The following PAK1 variants were observed in gnomAD, a reference collection of about 807,000 sequenced individuals.
The protein encoded by PAK1 is serine/threonine-protein kinase PAK 1.
Under a neutral mutation model 67.4 loss-of-function variants are expected in PAK1, and 29 were observed. That is an observed-to-expected ratio of 0.43 (90% CI 0.32 to 0.59). The LOEUF (loss-of-function observed/expected upper bound fraction) is 0.59. PAK1 is among the 20% of genes least tolerant of loss of function. The probability of loss-of-function intolerance (pLI) is 0.07; values close to 1 mark genes in which losing one functional copy is unlikely to be tolerated. For synonymous variants in PAK1, 223 were observed against 237.4 expected (o/e 0.94, Z 0.56); for missense variants, 337 against 670.7 (o/e 0.50, Z 5.50).
the PAK1 span, among the ~76,000 whole-genome samples, chr11:77,510,247 T>C: frequency 6.6e-6 from 1 of 152,226 alleles, no homozygotes; most frequent in East Asian, 1.9e-4. Flanking sequence ...CATACCCCCA[T>C]TGCTAAAGCC....
At chr11:77,413,771 C>T (rs1424028499) in intron 1 of PAK1, among the ~76,000 whole-genome samples, 4 of 152,042 alleles carry the variant, frequency 2.6e-5, no homozygotes, top group Non-Finnish European at 2.9e-5. Flanking sequence ...AATAGACACC[C>T]GGAGAATTGC....
At chr11:77,514,701 C>T in the PAK1 span, among the ~76,000 whole-genome samples, 1 of 152,188 alleles carries the variant, frequency 6.6e-6, no homozygotes, top group Non-Finnish European at 1.5e-5. Context: ...TAGTCTGAGG[C>T]TTCCTGGGCA....
intron 5 of PAK1, among the ~76,000 whole-genome samples, chr11:77,369,101 A>C (rs1397505505): frequency 6.6e-6 from 1 of 152,098 alleles, no homozygotes; most frequent in Non-Finnish European, 1.5e-5. Flanking sequence ...TTTTTCCACT[A>C]TTTCTAATGA....
At chr11:77,398,688 G>A (rs972251981) in intron 1 of PAK1, among the ~76,000 whole-genome samples, 2 of 152,148 alleles carry the variant, frequency 1.3e-5, no homozygotes, top group African/African-American at 4.8e-5. Flanking sequence ...TTTCTTGTGG[G>A]TAGATACCCA....
the PAK1 span, among the ~76,000 whole-genome samples, chr11:77,484,318 G>T: frequency 6.6e-6 from 1 of 152,002 alleles, no homozygotes; most frequent in Non-Finnish European, 1.5e-5. Context: ...TCAACAATCA[G>T]CTGCTCCATG....
chr11:77,413,433 A>G lies in PAK1; in HGVS notation c.-21-20892T>C, dbSNP rs183122061. ...GAAAACAGAATACGATGGTGAAAGA[A>G]GTCAGTGACTTCTCCAAGACCACAC... is the stretch of plus-strand genomic sequence containing the variant. On this transcript the variant is annotated intron_variant, in intron 1 of 14. Transcript: ENST00000356341. 2.4e-3 allele frequency among the ~76,000 whole-genome samples: 364 copies of G among 152,310 alleles called. 3 individuals are homozygous for G. The highest frequency in any genetic ancestry group is 4.5e-3 in the Non-Finnish European group (305 of 68,012).
the PAK1 span, among the ~76,000 whole-genome samples, chr11:77,525,981 AGAG>A: frequency 6.6e-6 from 1 of 152,100 alleles, no homozygotes; most frequent in African/African-American, 2.4e-5. Context: ...ACCTCTTTGG[AGAG>A]GAGGTTTTAT....
the PAK1 span, among the ~76,000 whole-genome samples, chr11:77,493,484 G>A: frequency 3.1e-5 from 4 of 128,482 alleles, no homozygotes; most frequent in South Asian, 5.2e-4. Flanking sequence ...TAGTAGAGAC[G>A]GTTTCGCCAT....
At chr11:77,398,205 T>C (rs574254995) in intron 1 of PAK1, among the ~76,000 whole-genome samples, 1 of 152,344 alleles carries the variant, frequency 6.6e-6, no homozygotes, top group African/African-American at 2.4e-5. Context: ...ATAATAGGTC[T>C]TATTTATTCT....
intron 1 of PAK1, among the ~76,000 whole-genome samples, chr11:77,402,260 C>A (rs1952802189): frequency 6.6e-6 from 1 of 152,114 alleles, no homozygotes; most frequent in African/African-American, 2.4e-5. Flanking sequence ...TGAGAGGCAG[C>A]AAAGTGAAGT....
intron 2 of PAK1, among the ~76,000 whole-genome samples, chr11:77,391,679 G>A (rs1358270093): frequency 6.6e-6 from 1 of 152,150 alleles, no homozygotes; most frequent in Admixed American, 6.5e-5. Flanking sequence ...GAGGATCTTG[G>A]TGACTTTTTC....
chr11:77,329,358 G>C (rs540348813), intron 14 of PAK1: 10 of 152,354 alleles, frequency 6.6e-5, no homozygotes, highest in African/African-American at 2.4e-4. Flanking sequence ...CAATATCCTT[G>C]ATGAACATCG....
rs577678647 is a variant in PAK1, at chr11:77,409,420, T to C, written c.-21-16879A>G. ...GTTCCTCAGAAACTAAACATAGAAC[T>C]ATCATGATTCAGCAATTCCATTACT... On this transcript the variant is annotated intron_variant, in intron 1 of 14. Transcript: ENST00000356341. 1.1e-4 allele frequency among the ~76,000 whole-genome samples: 16 copies of C among 152,288 alleles called. No homozygotes were observed. In the East Asian group the frequency reaches 2.3e-3, roughly 22 times the overall value.
At chr11:77,425,768 G>A (rs1423054043) in intron 1 of PAK1, among the ~76,000 whole-genome samples, 1 of 152,194 alleles carries the variant, frequency 6.6e-6, no homozygotes, top group African/African-American at 2.4e-5. Flanking sequence ...AAATAAGGTA[G>A]AAACTGAGTT....
At chr11:77,445,055 T>A (rs1420193871) in intron 1 of PAK1, among the ~76,000 whole-genome samples, 2 of 152,110 alleles carry the variant, frequency 1.3e-5, no homozygotes, top group East Asian at 3.8e-4. Context: ...ACAGACGTAA[T>A]CAAGTTAAAA....
At chr11:77,344,116 T>A in intron 9 of PAK1, 185 bp from the exon 10 acceptor site, 1 of 539,650 alleles carries the variant, frequency 1.9e-6, no homozygotes, top group African/African-American at 1.9e-5. Flanking sequence ...GCCAGCATCA[T>A]CATCATCTGG....
intron 1 of PAK1, among the ~76,000 whole-genome samples, chr11:77,466,834 T>C (rs1479406638): frequency 6.6e-6 from 1 of 152,216 alleles, no homozygotes; most frequent in Admixed American, 6.5e-5. Context: ...GCTTCAGATC[T>C]TAGCTGTGCT....
Position 77,392,401 on chromosome 11 carries a change from A to C in PAK1, c.120T>G (p.Pro40=), listed in dbSNP as rs369483803. 1.2e-4 allele frequency: 195 copies of C among 1,612,874 alleles called. No individual in the cohort carries two copies. Among genetic ancestry groups the C allele is most frequent in the Admixed American group, 2.0e-4 (12 of 59,912 alleles). Residue 40 remains proline (P), a synonymous_variant, in exon 2 of 15, where the codon CCT becomes CCG. Transcript: ENST00000356341. ...TCTTCTCCTCTGGGTTTGGAGGCAG[A>C]GGTTTAGAACCATGGTTTAGGGTTC... ...DAGTLNHGSK[P]LPPNPEEKKK... is the part of the protein sequence containing the mutation.
At chr11:77,419,767 TA>T (rs1283679508) in intron 1 of PAK1, among the ~76,000 whole-genome samples, 1 of 152,226 alleles carries the variant, frequency 6.6e-6, no homozygotes, top group East Asian at 1.9e-4. Context: ...ATGTTGGATT[TA>T]AAACAACATC....
Sources: allele counts gnomAD v4.1 joint callset (sites outside exome capture counted in the v4.1 genomes callset), GRCh38; gene constraint gnomAD v4.1.1; transcripts MANE v1.5; gene names NCBI Gene and HGNC (gene_info 2026-07-23, HGNC 2026-07-21).